Variants in UGT8 observed in about 807,000 individuals in gnomAD.
UGT8 encodes UDP glycosyltransferase 8, also known as 2-hydroxyacylsphingosine 1-beta-galactosyltransferase.
UGT8 carries 12 observed loss-of-function variants against 40.5 expected under a neutral mutation model. The observed-to-expected ratio is 0.30, with a 90% CI of 0.19 to 0.48. UGT8 has a LOEUF of 0.48. Among genes scored for constraint, UGT8 ranks in the 20% least tolerant of loss-of-function variants. The probability of loss-of-function intolerance (pLI) is 0.99; values close to 1 mark genes in which losing one functional copy is unlikely to be tolerated. For missense variants in UGT8, 513 were observed against 648.7 expected (o/e 0.79, Z 2.27); for synonymous variants, 224 against 240.4 (o/e 0.93, Z 0.63).
At position 114,620,748 on chromosome 4, in the gene UGT8, A is replaced by G. The variant is rs151094148; in HGVS notation, c.-2-2131A>G. On this transcript the variant is annotated intron_variant, in intron 1 of 5. Transcript: ENST00000310836. ...GGAAATATATGTATTTTAGAGTTCA[A>G]TCTTGTTATTGGAAGAATCTATTAG... Among the ~76,000 whole-genome samples the G allele has an allele frequency of 5.6e-3, 850 of 152,296 alleles. 6 individuals are homozygous for G. The highest frequency in any genetic ancestry group is 0.017 in the Middle Eastern group (5 of 294).
chr4:114,624,600 T>C (rs1444689324), intron 2 of UGT8, among the ~76,000 whole-genome samples: 1 of 152,206 alleles, frequency 6.6e-6, no homozygotes, highest in African/African-American at 2.4e-5. Flanking sequence ...TGTTGATTTC[T>C]AGTTCTGGTA....
At chr4:114,629,266 G>T (rs1044979470) in intron 2 of UGT8, among the ~76,000 whole-genome samples, 1 of 152,174 alleles carries the variant, frequency 6.6e-6, no homozygotes, top group South Asian at 2.1e-4. Flanking sequence ...GGATGACAAT[G>T]TTTAGAAGAG....
At chr4:114,647,585 C>T (rs1157281383) in intron 2 of UGT8, among the ~76,000 whole-genome samples, 3 of 151,986 alleles carry the variant, frequency 2.0e-5, no homozygotes, top group East Asian at 3.9e-4. Flanking sequence ...AGACTGGTCT[C>T]GAACTCTTGA....
At chr4:114,609,522 C>G (rs1730920670) in intron 1 of UGT8, among the ~76,000 whole-genome samples, 1 of 152,018 alleles carries the variant, frequency 6.6e-6, no homozygotes, top group African/African-American at 2.4e-5. Context: ...TTTCTGCTTG[C>G]TTTTTTTCTC....
Position 114,625,544 on chromosome 4 carries a change from T to C in UGT8, c.822+1842T>C, listed in dbSNP as rs1361567940. On this transcript the variant is annotated intron_variant, in intron 2 of 5. Coordinates refer to ENST00000310836, the MANE Select transcript of UGT8 (RefSeq NM_001128174.3). ...AAAAAAAAAAAAAAAAGGAATGTCC[T>C]GTCCTGATTGCCTTTTCTTTCCTTC... is the stretch of plus-strand genomic sequence containing the variant. 1.2e-4 allele frequency among the ~76,000 whole-genome samples: 18 copies of C among 146,696 alleles called. No homozygotes were observed. The Admixed American group carries it at 1.2e-3, about 10-fold the overall frequency.
intron 5 of UGT8, among the ~76,000 whole-genome samples, chr4:114,674,743 A>G (rs1180852533): frequency 1.3e-5 from 2 of 152,210 alleles, no homozygotes; most frequent in Non-Finnish European, 2.9e-5. Flanking sequence ...AAGTCTTCAC[A>G]CATGTCCAAT....
chr4:114,611,745 C>T (rs183626346), intron 1 of UGT8, among the ~76,000 whole-genome samples: 121 of 151,458 alleles, frequency 8.0e-4, no homozygotes, highest in Non-Finnish European at 9.1e-4. Flanking sequence ...GTGATCAAGA[C>T]GAAAGTTTTA....
At chr4:114,667,090 A>C (rs1471598136) in intron 4 of UGT8, among the ~76,000 whole-genome samples, 2 of 152,074 alleles carry the variant, frequency 1.3e-5, no homozygotes. Flanking sequence ...TCTAGGGCAG[A>C]TCCTTTAGTT....
chr4:114,610,616 T>G (rs147083926), intron 1 of UGT8, among the ~76,000 whole-genome samples: 1,982 of 152,282 alleles, frequency 0.013, 32 homozygotes, highest in African/African-American at 0.035. Flanking sequence ...TAAGATAACT[T>G]CTGTTTTTTA....
chr4:114,648,786 GAATAT>G (rs1196474167), intron 2 of UGT8, among the ~76,000 whole-genome samples: 1 of 152,134 alleles, frequency 6.6e-6, no homozygotes, highest in African/African-American at 2.4e-5. Context: ...TAACTTTGGG[GAATAT>G]AATATAAAGT....
intron 1 of UGT8, among the ~76,000 whole-genome samples, chr4:114,600,267 A>C (rs1238613981): frequency 1.3e-5 from 2 of 152,082 alleles, no homozygotes; most frequent in African/African-American, 2.4e-5. Flanking sequence ...GAAAAAAACC[A>C]CACTACTCCA....
intron 1 of UGT8, among the ~76,000 whole-genome samples, chr4:114,618,785 T>C (rs1367120352): frequency 1.3e-5 from 2 of 152,216 alleles, no homozygotes; most frequent in Non-Finnish European, 2.9e-5. Flanking sequence ...CTATTCAATT[T>C]ACTTTAAGGA....
chr4:114,621,517 A>G (rs899097797), intron 1 of UGT8, among the ~76,000 whole-genome samples: 2 of 152,148 alleles, frequency 1.3e-5, no homozygotes, highest in Non-Finnish European at 2.9e-5. Context: ...TTCTAAAACA[A>G]TCTTTCTTTG....
At chr4:114,635,085 A>G (rs1373408244) in intron 2 of UGT8, among the ~76,000 whole-genome samples, 1 of 152,066 alleles carries the variant, frequency 6.6e-6, no homozygotes. Context: ...AAGACAAGTA[A>G]TATTTGTTTT....
chr4:114,650,269 C>G (rs114712542), intron 2 of UGT8, among the ~76,000 whole-genome samples: 1 of 152,156 alleles, frequency 6.6e-6, no homozygotes, highest in African/African-American at 2.4e-5. Context: ...CTTCCTGGAA[C>G]CTTTTGCAAA....
chr4:114,669,166 A>G (rs1735077206), intron 5 of UGT8, among the ~76,000 whole-genome samples: 1 of 152,178 alleles, frequency 6.6e-6, no homozygotes, highest in African/African-American at 2.4e-5. Context: ...TTGCATATAA[A>G]ATGCTGAATT....
At chr4:114,628,119 T>C (rs1226767855) in intron 2 of UGT8, among the ~76,000 whole-genome samples, 1 of 152,044 alleles carries the variant, frequency 6.6e-6, no homozygotes, top group Non-Finnish European at 1.5e-5. Context: ...CAAAAATCCA[T>C]GCTAAGTTGT....
At chr4:114,654,827 C>G (rs1734078676) in intron 2 of UGT8, among the ~76,000 whole-genome samples, 1 of 152,024 alleles carries the variant, frequency 6.6e-6, no homozygotes, top group African/African-American at 2.4e-5. Context: ...GCTTACCTGC[C>G]CAAGTTTATA....
At chr4:114,654,972 A>G (rs1352547475) in intron 2 of UGT8, among the ~76,000 whole-genome samples, 1 of 152,016 alleles carries the variant, frequency 6.6e-6, no homozygotes, top group Non-Finnish European at 1.5e-5. Flanking sequence ...ATGGCTTTAT[A>G]ATTTTCAAGT....
Sources: allele counts gnomAD v4.1 joint callset (sites outside exome capture counted in the v4.1 genomes callset), GRCh38; gene constraint gnomAD v4.1.1; transcripts MANE v1.5; gene names NCBI Gene and HGNC (gene_info 2026-07-23, HGNC 2026-07-21).